THSD7B: variants seen among roughly 807,000 people sequenced by gnomAD.
The protein encoded by THSD7B is thrombospondin type 1 domain containing 7B, also known as thrombospondin type-1 domain-containing protein 7B.
Under a neutral mutation model 213.6 loss-of-function variants are expected in THSD7B, and 138 were observed. That is an observed-to-expected ratio of 0.65 (90% confidence interval 0.56 to 0.74). THSD7B has a LOEUF of 0.74. THSD7B is among the 30% of genes least tolerant of loss of function. The pLI, the probability that THSD7B is intolerant of heterozygous loss-of-function variation, is 0.00. For missense variants in THSD7B, 1,931 were observed against 1,991.5 expected (o/e 0.97, Z 0.58); for synonymous variants, 742 against 687.0 (o/e 1.08, Z -1.25).
chr2:137,429,434 G>A (rs140827597), intron 14 of THSD7B, among the ~76,000 whole-genome samples: 46 of 152,186 alleles, frequency 3.0e-4, no homozygotes, highest in African/African-American at 9.2e-4. Flanking sequence ...GTATATACAC[G>A]TATTATTTAT....
intron 2 of THSD7B, among the ~76,000 whole-genome samples, chr2:137,029,803 A>T (rs954590254): frequency 2.6e-5 from 4 of 152,156 alleles, no homozygotes; most frequent in African/African-American, 9.7e-5. Flanking sequence ...TTACTTGATA[A>T]TGGTACCCTG....
At chr2:137,189,295 A>G (rs1253399758) in intron 7 of THSD7B, among the ~76,000 whole-genome samples, 1 of 152,190 alleles carries the variant, frequency 6.6e-6, no homozygotes, top group Non-Finnish European at 1.5e-5. Context: ...GGTTTTCAAC[A>G]CTTGTCAAGA....
At chr2:136,908,253 TGTG>T (rs1684199841) in intron 2 of THSD7B, among the ~76,000 whole-genome samples, 1 of 152,202 alleles carries the variant, frequency 6.6e-6, no homozygotes, top group Non-Finnish European at 1.5e-5. Context: ...TTTCACATAA[TGTG>T]GTAGAAATAG....
chr2:137,459,866 G>T (rs1037939279), intron 15 of THSD7B, among the ~76,000 whole-genome samples: 4 of 152,040 alleles, frequency 2.6e-5, no homozygotes, highest in Non-Finnish European at 5.9e-5. Flanking sequence ...ACTTAGAGTG[G>T]ATTAAGGAAC....
At chr2:137,670,877 C>A (rs1032874544) in intron 27 of THSD7B, among the ~76,000 whole-genome samples, 1 of 137,336 alleles carries the variant, frequency 7.3e-6, no homozygotes, top group Non-Finnish European at 1.5e-5. Flanking sequence ...GCCAAGATTG[C>A]GCCACTGCAC....
At chr2:137,651,206 G>T (rs1683131044) in intron 21 of THSD7B, among the ~76,000 whole-genome samples, 1 of 151,464 alleles carries the variant, frequency 6.6e-6, no homozygotes, top group African/African-American at 2.4e-5. Flanking sequence ...CAGAGTCTGG[G>T]TTTTTTTTCA....
intron 12 of THSD7B, among the ~76,000 whole-genome samples, chr2:137,352,839 A>C (rs1325616842): frequency 6.6e-6 from 1 of 152,058 alleles, no homozygotes; most frequent in Non-Finnish European, 1.5e-5. Flanking sequence ...TTCTATCTTT[A>C]AAATAAATTC....
chr2:137,113,430 G>GT (rs1242838534), intron 4 of THSD7B, among the ~76,000 whole-genome samples: 5 of 151,720 alleles, frequency 3.3e-5, no homozygotes, highest in African/African-American at 9.7e-5. Flanking sequence ...TTGTGTGTGT[G>GT]TTTTTTTTGT....
chr2:136,854,848 T>C (rs751456830), intron 1 of THSD7B, among the ~76,000 whole-genome samples: 3 of 152,090 alleles, frequency 2.0e-5, no homozygotes, highest in Non-Finnish European at 2.9e-5. Flanking sequence ...GTTTCAGATC[T>C]TGATTGCTAG....
At chr2:137,211,187 T>C (rs1297984990) in intron 7 of THSD7B, among the ~76,000 whole-genome samples, 1 of 151,994 alleles carries the variant, frequency 6.6e-6, no homozygotes, top group Non-Finnish European at 1.5e-5. Flanking sequence ...TATAAACAAA[T>C]AGATACTGGC....
chr2:137,252,517 G>A (rs1042905297), intron 10 of THSD7B, among the ~76,000 whole-genome samples: 4 of 152,128 alleles, frequency 2.6e-5, no homozygotes, highest in African/African-American at 9.7e-5. Flanking sequence ...GCCCAGGCTT[G>A]TCTGGAACTC....
intron 12 of THSD7B, among the ~76,000 whole-genome samples, chr2:137,363,896 C>G (rs1685336614): frequency 6.6e-6 from 1 of 152,120 alleles, no homozygotes; most frequent in African/African-American, 2.4e-5. Flanking sequence ...TTTATGAGGC[C>G]AACATCATCC....
intron 12 of THSD7B, among the ~76,000 whole-genome samples, chr2:137,383,340 CTG>C (rs1685820500): frequency 6.6e-6 from 1 of 152,212 alleles, no homozygotes; most frequent in Non-Finnish European, 1.5e-5. Flanking sequence ...CCCTGTATTA[CTG>C]CTGTGGCCTC....
At chr2:137,040,150 A>G (rs1686853258) in intron 2 of THSD7B, among the ~76,000 whole-genome samples, 1 of 152,190 alleles carries the variant, frequency 6.6e-6, no homozygotes, top group Admixed American at 6.5e-5. Flanking sequence ...GCAGGGTTAC[A>G]GAGGAATAAT....
intron 2 of THSD7B, among the ~76,000 whole-genome samples, chr2:137,026,121 A>C (rs1261700503): frequency 6.6e-6 from 1 of 152,206 alleles, no homozygotes; most frequent in Non-Finnish European, 1.5e-5. Context: ...ATAGAATGAT[A>C]GAACAGGGAT....
chr2:136,937,010 A>G (rs553971600), intron 2 of THSD7B, among the ~76,000 whole-genome samples: 2 of 152,270 alleles, frequency 1.3e-5, no homozygotes, highest in Non-Finnish European at 1.5e-5. Context: ...TAAAATGTTC[A>G]GCACAATGGT....
chr2:137,480,620 T>A (rs546849546), intron 15 of THSD7B, among the ~76,000 whole-genome samples: 128 of 152,318 alleles, frequency 8.4e-4, no homozygotes, highest in African/African-American at 3.0e-3. Context: ...AAAGATGAGA[T>A]TTTTCACTTT....
chr2:136,996,640 C>G (rs1236535952), intron 2 of THSD7B, among the ~76,000 whole-genome samples: 1 of 152,176 alleles, frequency 6.6e-6, no homozygotes, highest in African/African-American at 2.4e-5. Flanking sequence ...GTCACTGCAT[C>G]TAGCCACTTT....
chr2:137,140,157 CTA>C (rs1233176572), intron 5 of THSD7B, among the ~76,000 whole-genome samples: 1 of 151,596 alleles, frequency 6.6e-6, no homozygotes. Context: ...CACACACACA[CTA>C]TATATATATA....
Sources: allele counts gnomAD v4.1 joint callset (sites outside exome capture counted in the v4.1 genomes callset), GRCh38; gene constraint gnomAD v4.1.1; transcripts MANE v1.5; gene names NCBI Gene and HGNC (gene_info 2026-07-23, HGNC 2026-07-21).